Variants in CNTN5 observed in about 807,000 individuals in gnomAD.
CNTN5 encodes the protein contactin-5.
In CNTN5, 77 loss-of-function variants were observed where a neutral mutation model predicts 129.1. That is an observed-to-expected ratio of 0.60 (90% CI 0.50 to 0.72). CNTN5 has a LOEUF of 0.72. Among genes scored for constraint, CNTN5 ranks in the 30% least tolerant of loss-of-function variants. The pLI is 0.00. For missense variants in CNTN5, 1,478 were observed against 1,328.8 expected (o/e 1.11, Z -1.75); for synonymous variants, 509 against 465.6 (o/e 1.09, Z -1.20).
intron 7 of CNTN5, among the ~76,000 whole-genome samples, chr11:99,921,265 G>A (rs1021900149): frequency 6.6e-6 from 1 of 152,012 alleles, no homozygotes; most frequent in African/African-American, 2.4e-5. Context: ...GCCTCCAATT[G>A]ATCTGTCTGA....
rs11219449 is a variant in CNTN5 at position 99,335,651 on chromosome 11, C to T, written c.-71+10167C>T. Reference sequence around the variant, plus strand: ...TATATCTTCCCTCTGAGGTTTCATACAAAACATACCTCAGAATTCTCACAA... The same window carrying T: ...TATATCTTCCCTCTGAGGTTTCATATAAAACATACCTCAGAATTCTCACAA... On this transcript the variant is annotated intron_variant, in intron 2 of 24. Coordinates refer to ENST00000524871, the MANE Select transcript of CNTN5 (RefSeq NM_014361.4). Among the ~76,000 whole-genome samples, 1,262 of 152,122 alleles carry T rather than the reference C, an allele frequency of 8.3e-3. 12 individuals carry two copies. Among genetic ancestry groups the T allele is most frequent in the African/African-American group, 0.028 (1,165 of 41,516 alleles).
chr11:100,232,230 T>G (rs2138652306), intron 16 of CNTN5, among the ~76,000 whole-genome samples: 1 of 152,206 alleles, frequency 6.6e-6, no homozygotes, highest in Admixed American at 6.5e-5. Flanking sequence ...TGAGAAACAT[T>G]AACTTTGAAG....
chr11:100,218,381 A>C (rs1287630616), intron 15 of CNTN5, among the ~76,000 whole-genome samples: 1 of 152,236 alleles, frequency 6.6e-6, no homozygotes, highest in Non-Finnish European at 1.5e-5. Flanking sequence ...TCTATAATTT[A>C]CAAAGAGATG....
chr11:99,480,119 A>G (rs1945534417), intron 2 of CNTN5, among the ~76,000 whole-genome samples: 1 of 152,208 alleles, frequency 6.6e-6, no homozygotes, highest in Non-Finnish European at 1.5e-5. Flanking sequence ...GTAAGTAAGC[A>G]TGATTTTTTC....
intron 2 of CNTN5, among the ~76,000 whole-genome samples, chr11:99,408,281 C>A (rs1222458965): frequency 4.7e-5 from 7 of 149,072 alleles, no homozygotes; most frequent in African/African-American, 1.2e-4. Context: ...TGCAGTGGTG[C>A]GATCATAGCT....
At chr11:99,311,911 A>G (rs978884501) in intron 1 of CNTN5, among the ~76,000 whole-genome samples, 1 of 152,154 alleles carries the variant, frequency 6.6e-6, no homozygotes, top group Non-Finnish European at 1.5e-5. Context: ...CCTGTTTACT[A>G]TCTACAGGTA....
chr11:99,092,275 A>G (rs1015022321), intron 1 of CNTN5, among the ~76,000 whole-genome samples: 3 of 152,148 alleles, frequency 2.0e-5, no homozygotes, highest in African/African-American at 7.2e-5. Context: ...ATTACAATCC[A>G]TAGCTAATAT....
intron 7 of CNTN5, among the ~76,000 whole-genome samples, chr11:99,933,107 A>G (rs1208906344): frequency 1.3e-5 from 2 of 152,188 alleles, no homozygotes; most frequent in Non-Finnish European, 2.9e-5. Flanking sequence ...TTAATTTTGT[A>G]TATTTCAAAA....
chr11:99,751,874 A>C (rs1378501414), intron 3 of CNTN5, among the ~76,000 whole-genome samples: 2 of 152,158 alleles, frequency 1.3e-5, no homozygotes, highest in Admixed American at 1.3e-4. Flanking sequence ...TGGGATTATA[A>C]AAGAGGCTTC....
chr11:99,970,920 C>A (rs745499325), intron 8 of CNTN5, among the ~76,000 whole-genome samples: 12 of 152,124 alleles, frequency 7.9e-5, no homozygotes, highest in Admixed American at 1.3e-4. Flanking sequence ...CATAATTTTT[C>A]TTTCTGTTCT....
Position 100,191,184 on chromosome 11 carries a change from G to GGAAA in CNTN5, c.1641_1644dup (p.Tyr549LysfsTer14). 6.2e-7 allele frequency: 1 copy of GGAAA among 1,611,822 alleles called. No individual in the cohort carries two copies. Among genetic ancestry groups the GGAAA allele is most frequent in the Non-Finnish European group, 8.5e-7 (1 of 1,178,390 alleles). On this transcript the variant is annotated frameshift_variant, in exon 14 of 25. Coordinates refer to ENST00000524871, the MANE Select transcript of CNTN5 (RefSeq NM_014361.4). LOFTEE classifies it high-confidence loss of function. ...CCTAAATGCTTCCAAATCAGACGAG[G>GGAAA]GAAAGTACGTTTGCCGAGGGGAAAA... is the stretch of plus-strand genomic sequence containing the variant.
At chr11:99,534,971 CT>C (rs1324941633) in intron 2 of CNTN5, among the ~76,000 whole-genome samples, 4 of 151,954 alleles carry the variant, frequency 2.6e-5, no homozygotes, top group Non-Finnish European at 4.4e-5. Flanking sequence ...GGCTAGTGGA[CT>C]GGAGTGGAAT....
At chr11:100,085,591 T>C (rs1944519547) in intron 13 of CNTN5, among the ~76,000 whole-genome samples, 1 of 152,008 alleles carries the variant, frequency 6.6e-6, no homozygotes, top group South Asian at 2.1e-4. Context: ...ACCTATAAAA[T>C]AGGATAAACT....
intron 18 of CNTN5, among the ~76,000 whole-genome samples, chr11:100,279,368 A>C (rs1950582177): frequency 6.6e-6 from 1 of 151,758 alleles, no homozygotes; most frequent in South Asian, 2.1e-4. Flanking sequence ...TTTTTGAAAT[A>C]GTTTGAGTAG....
intron 3 of CNTN5, among the ~76,000 whole-genome samples, chr11:99,737,844 T>A (rs1943760956): frequency 1.3e-5 from 2 of 152,130 alleles, no homozygotes; most frequent in South Asian, 4.1e-4. Context: ...AGAAGATGCA[T>A]CTTTTTCACT....
intron 18 of CNTN5, among the ~76,000 whole-genome samples, chr11:100,281,173 A>G (rs906443118): frequency 6.6e-6 from 1 of 152,086 alleles, no homozygotes; most frequent in African/African-American, 2.4e-5. Context: ...TGTACTTACT[A>G]TTACCAATGA....
intron 3 of CNTN5, among the ~76,000 whole-genome samples, chr11:99,788,788 T>A (rs1344026986): frequency 6.6e-6 from 1 of 151,920 alleles, no homozygotes; most frequent in Non-Finnish European, 1.5e-5. Flanking sequence ...GTAAAAAACT[T>A]AGTTGTATCG....
At chr11:99,660,821 G>GT (rs1952567675) in intron 3 of CNTN5, among the ~76,000 whole-genome samples, 3 of 151,898 alleles carry the variant, frequency 2.0e-5, no homozygotes, top group Admixed American at 1.3e-4. Context: ...GTTAATAGTT[G>GT]TTTTTTTCTT....
intron 7 of CNTN5, among the ~76,000 whole-genome samples, chr11:99,953,461 C>T (rs1950723399): frequency 6.6e-6 from 1 of 152,094 alleles, no homozygotes; most frequent in Non-Finnish European, 1.5e-5. Context: ...GCGAAAATTC[C>T]AATATGTAGC....
Sources: allele counts gnomAD v4.1 joint callset (sites outside exome capture counted in the v4.1 genomes callset), GRCh38; gene constraint gnomAD v4.1.1; transcripts MANE v1.5; gene names NCBI Gene and HGNC (gene_info 2026-07-23, HGNC 2026-07-21).